The following NYAP2 variants were observed in gnomAD, a reference collection of about 807,000 sequenced individuals.
NYAP2 encodes neuronal tyrosine-phosphorylated phosphoinositide-3-kinase adapter 2.
NYAP2 carries 23 observed loss-of-function variants against 50.4 expected under a neutral mutation model. That is an observed-to-expected ratio of 0.46 (90% confidence interval 0.33 to 0.65). The LOEUF is 0.65. Among genes scored for constraint, NYAP2 ranks in the 30% least tolerant of loss-of-function variants. The probability of loss-of-function intolerance (pLI) is 0.02; values close to 1 mark genes in which losing one functional copy is unlikely to be tolerated. For missense variants in NYAP2, 885 were observed against 861.0 expected (o/e 1.03, Z -0.35); for synonymous variants, 394 against 365.2 (o/e 1.08, Z -0.90).
rs1695143587 is a variant in NYAP2 at position 225,417,359 on chromosome 2, G to T, written c.221+8258G>T. Among the ~76,000 whole-genome samples the T allele has an allele frequency of 2.0e-5, 3 of 151,878 alleles. No homozygotes were observed. In the South Asian group the frequency reaches 6.2e-4, roughly 32 times the overall value. The stretch of plus-strand genomic sequence containing the variant: ...TTAAAATTAATTTTAATCATGAATT[G>T]GTAAAAGGAAAATCAAGTCCCCCCT... On this transcript the variant is annotated intron_variant, in intron 3 of 6. Transcript: ENST00000636099.
chr2:225,554,245 T>C (rs957207416), intron 4 of NYAP2, among the ~76,000 whole-genome samples: 1 of 148,730 alleles, frequency 6.7e-6, no homozygotes, highest in Non-Finnish European at 1.5e-5. Flanking sequence ...ATGGCCTTAG[T>C]ATAAACTATT....
chr2:225,422,072 T>C (rs1008853293), intron 3 of NYAP2, among the ~76,000 whole-genome samples: 50 of 152,330 alleles, frequency 3.3e-4, no homozygotes, highest in African/African-American at 1.2e-3. Context: ...TTCCAATATT[T>C]CTTTTCTTTT....
intron 3 of NYAP2, among the ~76,000 whole-genome samples, chr2:225,482,942 A>G (rs1188361917): frequency 6.6e-6 from 1 of 152,188 alleles, no homozygotes; most frequent in Non-Finnish European, 1.5e-5. Flanking sequence ...ACTGTTCAGG[A>G]CTTCTTCAGA....
intron 4 of NYAP2, among the ~76,000 whole-genome samples, chr2:225,579,478 C>A (rs962265244): frequency 6.6e-6 from 1 of 152,184 alleles, no homozygotes; most frequent in African/African-American, 2.4e-5. Context: ...GCAATAGAAA[C>A]TTCTGTTTCT....
chr2:225,433,816 C>CAAAAA (rs35886164), intron 3 of NYAP2, among the ~76,000 whole-genome samples: 50 of 62,412 alleles, frequency 8.0e-4, no homozygotes, highest in Admixed American at 1.0e-3. Context: ...GACTCCGTCT[C>CAAAAA]AAAAAAAAAA....
intron 3 of NYAP2, among the ~76,000 whole-genome samples, chr2:225,439,461 G>A (rs1689435797): frequency 6.6e-6 from 1 of 152,178 alleles, no homozygotes. Flanking sequence ...TTTTTCAGTG[G>A]TGGAGAGTTG....
intron 3 of NYAP2, among the ~76,000 whole-genome samples, chr2:225,496,736 G>A (rs368963026): frequency 3.3e-5 from 5 of 152,056 alleles, no homozygotes; most frequent in East Asian, 1.9e-4. Flanking sequence ...GTACAGGAAG[G>A]TTTTATTTTA....
chr2:225,620,390 C>T (rs1431747080), intron 5 of NYAP2, among the ~76,000 whole-genome samples: 9 of 151,850 alleles, frequency 5.9e-5, no homozygotes, highest in Admixed American at 3.9e-4. Flanking sequence ...CCCACACGCA[C>T]GCACGCACAC....
At chr2:225,628,092 A>C (rs1693241590) in intron 6 of NYAP2, among the ~76,000 whole-genome samples, 1 of 152,180 alleles carries the variant, frequency 6.6e-6, no homozygotes, top group Non-Finnish European at 1.5e-5. Flanking sequence ...CCCAGACAGG[A>C]GCAAAGTACT....
At chr2:225,628,025 A>G (rs561304895) in intron 6 of NYAP2, among the ~76,000 whole-genome samples, 1 of 149,364 alleles carries the variant, frequency 6.7e-6, no homozygotes, top group East Asian at 2.0e-4. Flanking sequence ...TGCACAAGTT[A>G]AAATTGGAAT....
chr2:225,495,437 ATC>A lies in NYAP2; in HGVS notation c.222-17933_222-17932del, dbSNP rs1324026484. ...TATCAGAAGAATTCATTATTCACTC[ATC>A]CCCTCCATCTAAAGGAGGTCCTCCC... is the stretch of plus-strand genomic sequence containing the variant. On this transcript the variant is annotated intron_variant, in intron 3 of 6. Transcript: ENST00000636099. Among the ~76,000 whole-genome samples the A allele has an allele frequency of 3.9e-5, 6 of 152,320 alleles. No homozygotes were observed. In the East Asian group the frequency reaches 1.2e-3, roughly 29 times the overall value.
intron 4 of NYAP2, among the ~76,000 whole-genome samples, chr2:225,529,206 T>C (rs2106195909): frequency 6.6e-6 from 1 of 152,330 alleles, no homozygotes; most frequent in South Asian, 2.1e-4. Flanking sequence ...GTTTTACCTT[T>C]CCTTCATGTT....
chr2:225,557,384 T>C (rs967907467), intron 4 of NYAP2, among the ~76,000 whole-genome samples: 1 of 152,216 alleles, frequency 6.6e-6, no homozygotes, highest in African/African-American at 2.4e-5. Context: ...TCAAAAGGTC[T>C]CCAATTTCAT....
At chr2:225,568,255 G>A (rs1041842210) in intron 4 of NYAP2, among the ~76,000 whole-genome samples, 5 of 152,108 alleles carry the variant, frequency 3.3e-5, no homozygotes, top group Non-Finnish European at 7.4e-5. Context: ...TAAGGGAACT[G>A]AAAGAGGAAA....
intron 3 of NYAP2, among the ~76,000 whole-genome samples, chr2:225,447,643 G>A (rs939271421): frequency 1.3e-5 from 2 of 152,076 alleles, no homozygotes; most frequent in African/African-American, 4.8e-5. Context: ...AATATAGAAT[G>A]CATGAAAAAA....
chr2:225,404,241 C>G (rs988109004), intron 2 of NYAP2, among the ~76,000 whole-genome samples: 9 of 151,934 alleles, frequency 5.9e-5, no homozygotes, highest in Admixed American at 3.9e-4. Flanking sequence ...TTTTAAGCTT[C>G]AGAACTAAGG....
intron 4 of NYAP2, among the ~76,000 whole-genome samples, chr2:225,514,901 A>G (rs977210220): frequency 2.0e-5 from 3 of 152,130 alleles, no homozygotes; most frequent in Non-Finnish European, 4.4e-5. Flanking sequence ...CCTTTCTTCA[A>G]CTAGGCAGTG....
the NYAP2 span, among the ~76,000 whole-genome samples, chr2:225,664,303 T>C: frequency 4.6e-5 from 7 of 152,206 alleles, no homozygotes; most frequent in Non-Finnish European, 5.9e-5. Flanking sequence ...CAGCTTATAA[T>C]TGTTTGCATT....
intron 6 of NYAP2, among the ~76,000 whole-genome samples, chr2:225,640,273 T>C (rs1375787134): frequency 6.6e-6 from 1 of 152,242 alleles, no homozygotes; most frequent in East Asian, 1.9e-4. Context: ...GAGGTGTTTT[T>C]CACTGATTGT....
Sources: gnomAD v4.1 joint callset for allele counts (sites outside exome capture counted in the v4.1 genomes callset) on GRCh38, gnomAD v4.1.1 for gene constraint, MANE v1.5 for transcripts, NCBI Gene and HGNC (gene_info 2026-07-23, HGNC 2026-07-21) for gene names.